DLC1: variants seen among roughly 807,000 people sequenced by gnomAD.
DLC1 encodes rho GTPase-activating protein 7.
A neutral mutation model predicts 140.3 loss-of-function variants in DLC1; 54 were observed. The observed-to-expected ratio is 0.38, with a 90% CI of 0.31 to 0.48. The LOEUF is 0.48. Among genes scored for constraint, DLC1 ranks in the 20% least tolerant of loss-of-function variants. DLC1 has a pLI of 0.96. For missense variants in DLC1, 2,536 were observed against 1,907.0 expected, an observed-to-expected ratio of 1.33 and a Z score of -6.14; for synonymous variants, 986 against 728.1, an observed-to-expected ratio of 1.35 and a Z score of -5.70.
chr8:13,507,534 C>T lies in DLC1; in HGVS notation c.-126+7068G>A, dbSNP rs545508229. Among the ~76,000 whole-genome samples, 10 of 152,242 alleles carry T rather than the reference C, an allele frequency of 6.6e-5. No individual in the cohort carries two copies. In the South Asian group the frequency reaches 2.1e-3, roughly 32 times the overall value. Reference sequence around the variant, plus strand: ...AATAACATGATGCAAGAATTTACCTCCATATGATTTCATGCAGATTCCCTT... The same window carrying T: ...AATAACATGATGCAAGAATTTACCTTCATATGATTTCATGCAGATTCCCTT... On this transcript the variant is annotated intron_variant, in intron 1 of 17. Coordinates refer to ENST00000276297, the MANE Select transcript of DLC1 (RefSeq NM_182643.3).
intron 2 of DLC1, among the ~76,000 whole-genome samples, chr8:13,403,905 C>A (rs544160281): frequency 6.8e-6 from 1 of 147,494 alleles, no homozygotes; most frequent in Non-Finnish European, 1.5e-5. Flanking sequence ...GAGATACTCT[C>A]GTCTCGGCTT....
chr8:13,149,131 G>C (rs773749840), intron 5 of DLC1, among the ~76,000 whole-genome samples: 2 of 152,114 alleles, frequency 1.3e-5, no homozygotes, highest in Non-Finnish European at 1.5e-5. Context: ...TCTCTCAGCA[G>C]AATCAATCAA....
At chr8:13,237,794 G>T (rs964937467) in intron 5 of DLC1, among the ~76,000 whole-genome samples, 14 of 152,072 alleles carry the variant, frequency 9.2e-5, no homozygotes, top group Admixed American at 6.6e-4. Context: ...CTGTGGAAAT[G>T]TTTGTGGTAT....
At chr8:13,405,394 A>C (rs1056139459) in intron 2 of DLC1, among the ~76,000 whole-genome samples, 2 of 152,140 alleles carry the variant, frequency 1.3e-5, no homozygotes, top group African/African-American at 2.4e-5. Context: ...ATTTATACTT[A>C]AGTCAAAACA....
intron 2 of DLC1, among the ~76,000 whole-genome samples, chr8:13,473,948 G>T (rs960167939): frequency 2.0e-5 from 3 of 152,192 alleles, no homozygotes; most frequent in Non-Finnish European, 4.4e-5. Context: ...CAATGTGATA[G>T]AAAAGAAAAT....
chr8:13,502,769 T>C (rs1049838733), intron 1 of DLC1, among the ~76,000 whole-genome samples: 12 of 152,238 alleles, frequency 7.9e-5, no homozygotes, highest in African/African-American at 2.7e-4. Flanking sequence ...ATTACATTTC[T>C]TTTGTAATCC....
At position 13,088,472 on chromosome 8, in the gene DLC1, C is replaced by T. The variant is rs554901492; in HGVS notation, c.4292+15G>A. On this transcript the variant is annotated intron_variant, in intron 16 of 17. Coordinates refer to ENST00000276297, the MANE Select transcript of DLC1 (RefSeq NM_182643.3). ...AGTCATCCTTGTCACAAAAAAACAA[C>T]TGGGAAGCGCTCACCTTAAAACAAC... is the stretch of plus-strand genomic sequence containing the variant. The T allele has an allele frequency of 1.3e-5, 21 of 1,613,778 alleles. No individual in the cohort carries two copies. The East Asian group carries it at 4.7e-4, about 36-fold the overall frequency.
intron 1 of DLC1, among the ~76,000 whole-genome samples, chr8:13,500,949 C>T (rs548075795): frequency 6.6e-6 from 1 of 152,192 alleles, no homozygotes; most frequent in South Asian, 2.1e-4. Context: ...GCAAGTGAGC[C>T]GAGATTCAAA....
chr8:13,382,899 T>C (rs1192741648), intron 4 of DLC1, among the ~76,000 whole-genome samples: 1 of 152,208 alleles, frequency 6.6e-6, no homozygotes, highest in Non-Finnish European at 1.5e-5. Flanking sequence ...GAAAGACATA[T>C]CTTGATGAAT....
chr8:13,539,211 T>G (rs13267422), intron 1 of DLC1, among the ~76,000 whole-genome samples: 96 of 123,892 alleles, frequency 7.7e-4, no homozygotes, highest in East Asian at 3.1e-3. Flanking sequence ...ATGTATGTAT[T>G]TATTTTGACA....
intron 4 of DLC1, among the ~76,000 whole-genome samples, chr8:13,320,082 A>C (rs1176628031): frequency 6.6e-6 from 1 of 152,098 alleles, no homozygotes; most frequent in African/African-American, 2.4e-5. Flanking sequence ...AAGTGCTGGG[A>C]TTATAGGTGT....
chr8:13,387,642 C>G (rs1836581086), intron 4 of DLC1, among the ~76,000 whole-genome samples: 1 of 151,838 alleles, frequency 6.6e-6, no homozygotes, highest in South Asian at 2.1e-4. Flanking sequence ...GGTGGTTTTT[C>G]TCTTGTTTTT....
chr8:13,545,393 G>A (rs928179361), intron 1 of DLC1, among the ~76,000 whole-genome samples: 1 of 151,652 alleles, frequency 6.6e-6, no homozygotes, highest in African/African-American at 2.4e-5. Flanking sequence ...TAAATGTCAG[G>A]CAGGAAAACT....
intron 4 of DLC1, among the ~76,000 whole-genome samples, chr8:13,374,550 C>T (rs557826007): frequency 2.8e-4 from 42 of 152,200 alleles, no homozygotes; most frequent in African/African-American, 9.4e-4. Flanking sequence ...TGTGGGAGGC[C>T]GAGGCGGGTG....
chr8:13,105,395 G>C (rs1217110096), intron 7 of DLC1, among the ~76,000 whole-genome samples: 1 of 152,062 alleles, frequency 6.6e-6, no homozygotes, highest in African/African-American at 2.4e-5. Flanking sequence ...GCCTACTGCG[G>C]GCCAGGCACT....
rs1398085520 is a variant in DLC1, at chr8:13,552,179, G to GTA, written c.-125-51985_-125-51984dup. Among the ~76,000 whole-genome samples, 15 of 80,530 alleles carry GTA rather than the reference G, an allele frequency of 1.9e-4. No individual in the cohort carries two copies. The East Asian group carries it at 6.7e-3, about 36-fold the overall frequency. 52.8% of individuals were successfully genotyped at this position (80,530 alleles called of 152,430 possible). A position where few individuals can be genotyped will look rare whatever the true frequency, so the allele number is the denominator to read the frequency against. On this transcript the variant is annotated intron_variant, in intron 1 of 1. Coordinates refer to the DLC1 transcript ENST00000631382. ...TACATATATATATCTGTCTAGAGGT[G>GTA]TATATATATACCTGTCTAGAGGTGT...
intron 1 of DLC1, among the ~76,000 whole-genome samples, chr8:13,593,125 C>G (rs1222583308): frequency 1.3e-5 from 2 of 152,112 alleles, no homozygotes; most frequent in African/African-American, 4.8e-5. Context: ...CCCACCCAAT[C>G]TATGTTCCAG....
chr8:13,452,014 T>G (rs1799086096), intron 2 of DLC1, among the ~76,000 whole-genome samples: 1 of 152,064 alleles, frequency 6.6e-6, no homozygotes, highest in African/African-American at 2.4e-5. Flanking sequence ...TATTGGCTAT[T>G]TTTTTAAATC....
chr8:13,331,300 C>G (rs897393551), intron 4 of DLC1, among the ~76,000 whole-genome samples: 2 of 152,126 alleles, frequency 1.3e-5, no homozygotes, highest in Non-Finnish European at 2.9e-5. Flanking sequence ...GTTTGGGTGG[C>G]AATTCCAATT....
Sources: allele counts gnomAD v4.1 joint callset (sites outside exome capture counted in the v4.1 genomes callset), GRCh38; gene constraint gnomAD v4.1.1; transcripts MANE v1.5; gene names NCBI Gene and HGNC (gene_info 2026-07-23, HGNC 2026-07-21).